Variants in PKN2 observed in about 807,000 individuals in gnomAD.
PKN2 encodes the protein serine/threonine-protein kinase N2.
A neutral mutation model predicts 119.1 loss-of-function variants in PKN2; 38 were observed. The ratio of observed to expected loss-of-function variants is 0.32; its 90% CI spans 0.25 to 0.42. The LOEUF (loss-of-function observed/expected upper bound fraction) is 0.42. PKN2 is among the 10% of genes least tolerant of loss of function. PKN2 has a pLI of 1.00. For synonymous variants in PKN2, 390 were observed against 384.9 expected (o/e 1.01, Z -0.15); for missense variants, 850 against 1,165.1 (o/e 0.73, Z 3.94).
intron 1 of PKN2, among the ~76,000 whole-genome samples, chr1:88,700,307 G>A (rs1163103026): frequency 1.3e-5 from 2 of 152,006 alleles, no homozygotes; most frequent in African/African-American, 4.8e-5. Flanking sequence ...CTGCCTCTAG[G>A]TCTTTGAGGA....
In PKN2 at chr1:88,835,297, C is replaced by T. The variant is rs1353514573; in HGVS notation, c.*1849C>T. On this transcript the variant is annotated 3_prime_UTR_variant, in exon 22 of 22. Transcript: ENST00000370521. ...AGAGGAACTTAGCTTAATTGTCTGGCTTTAATTTAAACTGTGTTAATACAA... is the reference window on the plus strand; with the variant it reads ...AGAGGAACTTAGCTTAATTGTCTGGTTTTAATTTAAACTGTGTTAATACAA... 1 of 152,456 alleles carries T rather than the reference C, an allele frequency of 6.6e-6. No homozygotes were observed. The highest frequency in any genetic ancestry group is 1.9e-4 in the East Asian group (1 of 5,200). 9.4% of individuals were successfully genotyped at this position (152,456 alleles called of 1,614,324 possible).
intron 2 of PKN2, among the ~76,000 whole-genome samples, chr1:88,744,028 C>T (rs1668674070): frequency 6.6e-6 from 1 of 152,106 alleles, no homozygotes; most frequent in Admixed American, 6.5e-5. Context: ...TTGCAAATGG[C>T]ATATTTACAC....
chr1:88,756,056 C>T (rs1163677487), intron 2 of PKN2, among the ~76,000 whole-genome samples: 1 of 151,894 alleles, frequency 6.6e-6, no homozygotes, highest in Admixed American at 6.6e-5. Flanking sequence ...GGACTACAGA[C>T]GTGTGCCACC....
intron 21 of PKN2, 41 bp from the exon 22 acceptor site, chr1:88,833,204 T>TTG (rs1488650443): frequency 1.2e-6 from 2 of 1,610,144 alleles, no homozygotes; most frequent in South Asian, 2.2e-5. Flanking sequence ...AGCGATTAGA[T>TTG]TTAACAAACT....
At chr1:88,688,760 T>G (rs1666213691) in intron 1 of PKN2, among the ~76,000 whole-genome samples, 1 of 152,228 alleles carries the variant, frequency 6.6e-6, no homozygotes, top group African/African-American at 2.4e-5. Flanking sequence ...TAAAATTTTA[T>G]ACTCACATGT....
At chr1:88,781,141 A>C (rs1670325744) in intron 6 of PKN2, 1 of 1,276,852 alleles carries the variant, frequency 7.8e-7, no homozygotes, top group Non-Finnish European at 1.0e-6. Context: ...CACATGACGA[A>C]AAGATGAACA....
chr1:88,691,973 G>A (rs1387749784), intron 1 of PKN2, among the ~76,000 whole-genome samples: 2 of 151,536 alleles, frequency 1.3e-5, no homozygotes, highest in African/African-American at 2.4e-5. Flanking sequence ...AGTGTAAATA[G>A]AGTTTAGTAC....
intron 18 of PKN2, among the ~76,000 whole-genome samples, chr1:88,827,401 A>G (rs1672539752): frequency 6.6e-6 from 1 of 151,982 alleles, no homozygotes; most frequent in Admixed American, 6.6e-5. Flanking sequence ...GTCTAAACAC[A>G]AAATTTATAT....
chr1:88,756,668 A>C (rs1446359276), intron 2 of PKN2, among the ~76,000 whole-genome samples: 1 of 152,204 alleles, frequency 6.6e-6, no homozygotes, highest in Non-Finnish European at 1.5e-5. Context: ...CAAGATTCTG[A>C]TATCATTTAT....
chr1:88,806,257 C>T lies in PKN2; in HGVS notation c.1803+240C>T, dbSNP rs556877539. ...GCAACCTCCGCCTCCCGGATTCAAG[C>T]GATTCTCCTGCAAGCCATTCTCCTA... On this transcript the variant is annotated intron_variant, in intron 12 of 21. Coordinates refer to ENST00000370521, the MANE Select transcript of PKN2 (RefSeq NM_006256.4). 202 of 428,196 alleles carry T rather than the reference C, an allele frequency of 4.7e-4. 2 individuals carry two copies. The highest frequency in any genetic ancestry group is 8.0e-4 in the Admixed American group (21 of 26,392). The allele number at this position is 428,196 out of a possible 1,614,324, so 26.5% of individuals were successfully genotyped here.
intron 9 of PKN2, 101 bp downstream of exon 9, chr1:88,804,635 T>A (rs1053780052): frequency 8.4e-7 from 1 of 1,192,250 alleles, no homozygotes; most frequent in Non-Finnish European, 1.2e-6. Context: ...GAAAGACAGA[T>A]GACTTGAGTT....
chr1:88,820,611 C>G (rs59556728), intron 16 of PKN2, among the ~76,000 whole-genome samples: 2 of 151,610 alleles, frequency 1.3e-5, no homozygotes, highest in African/African-American at 2.4e-5. Context: ...TAAAACATAG[C>G]TATATTATCT....
intron 1 of PKN2, among the ~76,000 whole-genome samples, chr1:88,736,432 C>T (rs1373412210): frequency 6.6e-6 from 1 of 151,980 alleles, no homozygotes; most frequent in South Asian, 2.1e-4. Flanking sequence ...GGAATGATCT[C>T]GGCTCTCTGC....
At chr1:88,760,961 A>G (rs1028166167) in intron 3 of PKN2, among the ~76,000 whole-genome samples, 3 of 152,132 alleles carry the variant, frequency 2.0e-5, no homozygotes, top group African/African-American at 7.2e-5. Context: ...TCTGTAATGA[A>G]TTTTCCACAT....
chr1:88,798,349 G>A (rs1479944740), intron 8 of PKN2, among the ~76,000 whole-genome samples: 1 of 151,736 alleles, frequency 6.6e-6, no homozygotes, highest in Non-Finnish European at 1.5e-5. Context: ...CAAAGGATAG[G>A]TGATGAGCCA....
At chr1:88,805,008 G>T in intron 10 of PKN2, 87 bp downstream of exon 10, 2 of 631,912 alleles carry the variant, frequency 3.2e-6, no homozygotes, top group East Asian at 3.0e-5. Context: ...CATCTGTGTG[G>T]GTTTTTTTGT....
At chr1:88,790,432 G>T (rs569138058) in intron 8 of PKN2, among the ~76,000 whole-genome samples, 2 of 152,276 alleles carry the variant, frequency 1.3e-5, no homozygotes, top group African/African-American at 2.4e-5. Context: ...TGCAAAAACT[G>T]TGATAACTTT....
intron 3 of PKN2, among the ~76,000 whole-genome samples, chr1:88,768,398 A>T (rs1021457330): frequency 6.6e-6 from 1 of 152,146 alleles, no homozygotes; most frequent in African/African-American, 2.4e-5. Flanking sequence ...GGCTACTCAC[A>T]CTTCTTGGCT....
intron 2 of PKN2, among the ~76,000 whole-genome samples, chr1:88,755,694 A>T (rs78701964): frequency 0.019 from 2,957 of 152,270 alleles, 94 homozygotes; most frequent in African/African-American, 0.066. Flanking sequence ...AGGAAACTGT[A>T]GCACAGAGAT....
Sources: allele counts gnomAD v4.1 joint callset (sites outside exome capture counted in the v4.1 genomes callset), GRCh38; gene constraint gnomAD v4.1.1; transcripts MANE v1.5; gene names NCBI Gene and HGNC (gene_info 2026-07-23, HGNC 2026-07-21).